Variants in FREM3 observed in about 807,000 individuals in gnomAD.
FREM3 encodes FRAS1 related extracellular matrix 3.
In FREM3, 105 loss-of-function variants were observed where a neutral mutation model predicts 129.1. That is an observed-to-expected ratio of 0.81 (90% CI 0.69 to 0.96). FREM3 has a LOEUF of 0.96. Among genes scored for constraint, FREM3 ranks in the 40% least tolerant of loss-of-function variants. FREM3 has a pLI of 0.00. For synonymous variants in FREM3, 1,014 were observed against 1,044.9 expected (o/e 0.97, Z 0.57); for missense variants, 2,593 against 2,666.3 (o/e 0.97, Z 0.61).
At chr4:143,666,669 T>C (rs972994659) in intron 2 of FREM3, among the ~76,000 whole-genome samples, 1 of 152,132 alleles carries the variant, frequency 6.6e-6, no homozygotes, top group African/African-American at 2.4e-5. Flanking sequence ...GTGAAATATC[T>C]AGAAAGGTAA....
At chr4:143,593,062 C>G (rs866179125) in intron 6 of FREM3, among the ~76,000 whole-genome samples, 2 of 152,184 alleles carry the variant, frequency 1.3e-5, no homozygotes, top group Non-Finnish European at 2.9e-5. Context: ...TCATCACATT[C>G]TCGTGCTGTG....
intron 2 of FREM3, among the ~76,000 whole-genome samples, chr4:143,632,938 A>G (rs1009897748): frequency 5.9e-5 from 9 of 152,184 alleles, no homozygotes; most frequent in African/African-American, 2.2e-4. Flanking sequence ...GACCTACAGG[A>G]AGGAATTAGA....
Position 143,699,897 on chromosome 4 carries a change from G to A in FREM3, c.779C>T (p.Pro260Leu). Residue 260 changes from proline (P) to leucine (L), a missense_variant, in exon 1 of 8, where the codon CCC becomes CTC. Physicochemically the swap from Pro to Leu is moderately conservative, Grantham distance 98 (BLOSUM62 -3). Coordinates refer to ENST00000329798, the MANE Select transcript of FREM3 (RefSeq NM_001168235.2). The surrounding 1 kb of genome is among the most constrained non-coding windows in gnomAD (Gnocchi z 4.2). ...CATCATGGGCACGTAGTCACGGTTG[G>A]GCGAGGAGGTGGCTGTGTGCTGATA... ...VRYQHTATSS[P>L]NRDYVPMMVE... 1 of 1,536,648 alleles carries A rather than the reference G, an allele frequency of 6.5e-7. No individual in the cohort carries two copies. Among genetic ancestry groups the A allele is most frequent in the Non-Finnish European group, 8.7e-7 (1 of 1,146,820 alleles).
intron 2 of FREM3, among the ~76,000 whole-genome samples, chr4:143,666,014 C>T (rs544289614): frequency 2.6e-5 from 4 of 152,244 alleles, no homozygotes; most frequent in Admixed American, 2.6e-4. Flanking sequence ...TACTAACCTT[C>T]TAAGATTATG....
At position 143,621,003 on chromosome 4, in the gene FREM3, A is replaced by G. The variant is rs565109021; in HGVS notation, c.5779+34T>C. The G allele has an allele frequency of 2.5e-5, 39 of 1,533,132 alleles. No homozygotes were observed. In the African/African-American group the frequency reaches 3.8e-4, roughly 15 times the overall value. 95.0% of individuals were successfully genotyped at this position (1,533,132 alleles called of 1,614,324 possible). On this transcript the variant is annotated intron_variant, in intron 5 of 7. Transcript: ENST00000329798. ...ACCACAGTCTTGTTCTCATCATCTT[A>G]TTCCTATGAACAGGACCCCACAGAG...
At chr4:143,668,051 C>T (rs1464924044) in intron 2 of FREM3, among the ~76,000 whole-genome samples, 2 of 152,134 alleles carry the variant, frequency 1.3e-5, no homozygotes, top group Non-Finnish European at 2.9e-5. Flanking sequence ...AAATTGTTAT[C>T]TTATGCAAAC....
Position 143,658,948 on chromosome 4 carries a change from C to T in FREM3, c.5276-31188G>A, listed in dbSNP as rs151211803. 4.7e-3 allele frequency among the ~76,000 whole-genome samples: 714 copies of T among 151,970 alleles called. 4 individuals are homozygous for T. The highest frequency in any genetic ancestry group is 0.017 in the African/African-American group (686 of 41,488). On this transcript the variant is annotated intron_variant, in intron 2 of 7. Coordinates refer to ENST00000329798, the MANE Select transcript of FREM3 (RefSeq NM_001168235.2). ...ATCTCCTTTGCTTTTGCTGTTTCTC[C>T]CTTTATGCATCTCCACTGATCTTTT... is the stretch of plus-strand genomic sequence containing the variant.
At position 143,693,213 on chromosome 4, in the gene FREM3, A is replaced by AG; in HGVS notation, c.5186-12dup. 1 of 1,431,506 alleles carries AG rather than the reference A, an allele frequency of 7.0e-7. No homozygotes were observed. Among genetic ancestry groups the AG allele is most frequent in the Non-Finnish European group, 9.3e-7 (1 of 1,069,988 alleles). The allele number at this position is 1,431,506 out of a possible 1,614,324, so 88.7% of individuals were successfully genotyped here. On this transcript the variant is annotated splice_polypyrimidine_tract_variant and intron_variant, in intron 1 of 7. Coordinates refer to ENST00000329798, the MANE Select transcript of FREM3 (RefSeq NM_001168235.2). ...TCTCATCAATGTCAGCTAAAAAAAA[A>AG]GCAACCATCACACAAAGTCATATTG...
chr4:143,695,448 T>C lies in FREM3; in HGVS notation c.5185+43A>G, dbSNP rs113194482. The C allele has an allele frequency of 7.7e-5, 112 of 1,455,974 alleles. 2 individuals carry two copies. In the Middle Eastern group the frequency reaches 1.4e-3, roughly 19 times the overall value. 90.2% of individuals were successfully genotyped at this position (1,455,974 alleles called of 1,614,324 possible). ...CACAAAGCTGAGAGATCTGATCCAA[T>C]GAAGGAGAGGGACAGAATAGGCAGG... is the stretch of plus-strand genomic sequence containing the variant. On this transcript the variant is annotated intron_variant, in intron 1 of 7. Transcript: ENST00000329798.
chr4:143,580,503 G>A (rs1333199029), intron 7 of FREM3, among the ~76,000 whole-genome samples: 1 of 152,182 alleles, frequency 6.6e-6, no homozygotes, highest in African/African-American at 2.4e-5. Context: ...GGCATGCATG[G>A]AGTCCCAGGG....
At position 143,699,171 on chromosome 4, in the gene FREM3, C is replaced by T. The variant is rs751935480; in HGVS notation, c.1505G>A (p.Arg502Gln). 9 of 1,537,216 alleles carry T rather than the reference C, an allele frequency of 5.9e-6. 1 individual carries two copies. Among genetic ancestry groups the T allele is most frequent in the South Asian group, 3.6e-5 (3 of 84,062 alleles). Residue 502 changes from arginine to glutamine, a missense_variant, in exon 1 of 8, where the codon CGA (arginine) becomes CAA (glutamine). Around this residue, in one of 2 missense-constraint regions of FREM3, gnomAD observed 2,276 missense variants for 2,267.2 expected, o/e 1.00. Coordinates refer to ENST00000329798, the MANE Select transcript of FREM3 (RefSeq NM_001168235.2). This position sits in a 1 kb window ranked among gnomAD's most constrained non-coding sequence, Gnocchi z 4.2. ...YFTPADLAAG[R>Q]VVYQHDGSNT... ...GCTGCCATCATGCTGATACACCACT[C>T]GCCCTGCTGCCAGGTCCGCTGGTGT...
In FREM3 at chr4:143,633,875, G is replaced by A. The variant is rs139343797; in HGVS notation, c.5276-6115C>T. 2.0e-3 allele frequency among the ~76,000 whole-genome samples: 308 copies of A among 152,174 alleles called. 3 individuals carry two copies. The highest frequency in any genetic ancestry group is 7.3e-3 in the African/African-American group (301 of 41,510). On this transcript the variant is annotated intron_variant, in intron 2 of 7. Coordinates refer to ENST00000329798, the MANE Select transcript of FREM3 (RefSeq NM_001168235.2). ...GGGCTCTTCAGAGAGGATATTGACA[G>A]GCTTCATGAAATAATAAGAGCTTAA...
chr4:143,663,304 G>A (rs1044584493), intron 2 of FREM3, among the ~76,000 whole-genome samples: 5 of 152,014 alleles, frequency 3.3e-5, no homozygotes, highest in Non-Finnish European at 5.9e-5. Flanking sequence ...CTCAGCATTT[G>A]CTTGTCTGTA....
At chr4:143,611,228 G>C in intron 6 of FREM3, 51 bp downstream of exon 6, 4 of 1,502,156 alleles carry the variant, frequency 2.7e-6, no homozygotes, top group Non-Finnish European at 3.6e-6. Flanking sequence ...TTGGAGGAAA[G>C]TGTGAGAAGG....
At chr4:143,672,194 T>A (rs1322313571) in intron 2 of FREM3, among the ~76,000 whole-genome samples, 1 of 152,214 alleles carries the variant, frequency 6.6e-6, no homozygotes, top group Non-Finnish European at 1.5e-5. Flanking sequence ...AAGTTCAGCA[T>A]AAATGACCTC....
At chr4:143,642,297 T>G (rs1739334261) in intron 2 of FREM3, among the ~76,000 whole-genome samples, 1 of 152,190 alleles carries the variant, frequency 6.6e-6, no homozygotes, top group Admixed American at 6.5e-5. Context: ...ACAGAAGAGA[T>G]AACAATAATA....
In FREM3 at chr4:143,697,950, G is replaced by C. The variant is rs778527990; in HGVS notation, c.2726C>G (p.Thr909Arg). The part of the protein sequence containing the change: ...SVSYQHGRDQ[T>R]TTSDTFHLEV... Reference sequence around the variant, plus strand: ...CAGATGGAAAGTGTCACTGGTAGTCGTCTGGTCTCTGCCATGCTGGTAAGA... The same window carrying C: ...CAGATGGAAAGTGTCACTGGTAGTCCTCTGGTCTCTGCCATGCTGGTAAGA... The change falls in exon 1 of 8, where the codon ACG becomes AGG. Residue 909 changes from threonine (T) to arginine (R), a missense_variant. This residue lies in a region of FREM3 where 2,276 missense variants were observed against 2,267.2 expected (regional missense o/e 1.00). Transcript: ENST00000329798. 2 of 1,537,652 alleles carry C rather than the reference G, an allele frequency of 1.3e-6. No homozygotes were observed. Among genetic ancestry groups the C allele is most frequent in the South Asian group, 2.4e-5 (2 of 84,066 alleles).
intron 6 of FREM3, among the ~76,000 whole-genome samples, chr4:143,593,929 G>A (rs184867735): frequency 2.0e-5 from 3 of 152,330 alleles, no homozygotes; most frequent in African/African-American, 4.8e-5. Flanking sequence ...CGGCAATGGC[G>A]GGTGCCCCTC....
At chr4:143,663,831 C>A (rs1471881070) in intron 2 of FREM3, among the ~76,000 whole-genome samples, 3 of 152,042 alleles carry the variant, frequency 2.0e-5, no homozygotes, top group African/African-American at 7.2e-5. Flanking sequence ...TCATTTCATT[C>A]ATTTCATCTT....
Sources: allele counts gnomAD v4.1 joint callset (sites outside exome capture counted in the v4.1 genomes callset), GRCh38; gene constraint gnomAD v4.1.1; regional missense constraint gnomAD v4.1.1; non-coding constraint Gnocchi (gnomAD v3.1); transcripts MANE v1.5; gene names NCBI Gene and HGNC (gene_info 2026-07-23, HGNC 2026-07-21).